SEC14L1: variants seen among roughly 807,000 people sequenced by gnomAD.
SEC14L1 encodes SEC14 like lipid binding 1.
A neutral mutation model predicts 85.3 loss-of-function variants in SEC14L1; 48 were observed. That is an observed-to-expected ratio of 0.56 (90% CI 0.45 to 0.72). The LOEUF (loss-of-function observed/expected upper bound fraction) is 0.72, where lower values mean the gene tolerates loss of function less well. Ranked by LOEUF, SEC14L1 falls within the 30% of genes least tolerant of loss-of-function variation. SEC14L1 has a pLI of 0.00. For missense variants in SEC14L1, 682 were observed against 921.4 expected, an observed-to-expected ratio of 0.74 and a Z score of 3.36; for synonymous variants, 391 against 355.5, an observed-to-expected ratio of 1.10 and a Z score of -1.12.
At chr17:77,132,227 T>G (rs1037001546) in intron 3 of SEC14L1, among the ~76,000 whole-genome samples, 1 of 102,358 alleles carries the variant, frequency 9.8e-6, no homozygotes, top group African/African-American at 6.4e-5. Flanking sequence ...CTGCATGGAA[T>G]TTTTTTTTTT....
At chr17:77,102,433 G>GA (rs539491189) in intron 3 of SEC14L1, among the ~76,000 whole-genome samples, 126 of 152,308 alleles carry the variant, frequency 8.3e-4, no homozygotes, top group Non-Finnish European at 1.3e-3. Flanking sequence ...TTTTGAAAAG[G>GA]ACAGAGAAAG....
chr17:77,104,920 T>C (rs1971874262), intron 3 of SEC14L1, among the ~76,000 whole-genome samples: 1 of 151,976 alleles, frequency 6.6e-6, no homozygotes, highest in African/African-American at 2.4e-5. Flanking sequence ...AGCTTGGTTT[T>C]ATACATCTTA....
intron 3 of SEC14L1, among the ~76,000 whole-genome samples, chr17:77,151,335 T>C (rs1973546422): frequency 6.6e-6 from 1 of 152,076 alleles, no homozygotes; most frequent in African/African-American, 2.4e-5. Context: ...GTGTAATTAG[T>C]CAGATTTAGT....
At position 77,214,263 on chromosome 17, in the gene SEC14L1, C is replaced by T; in HGVS notation, c.*240C>T. On this transcript the variant is annotated 3_prime_UTR_variant, in exon 17 of 17. Coordinates refer to ENST00000436233, the MANE Select transcript of SEC14L1 (RefSeq NM_001143998.2). ...TGTATACGTTGTGCACAAAATCCAACCAGAGCGCAAGGGCTCTCTTGAAAG... is the reference window on the plus strand; with the variant it reads ...TGTATACGTTGTGCACAAAATCCAATCAGAGCGCAAGGGCTCTCTTGAAAG... The T allele has an allele frequency of 7.6e-7, 1 of 1,323,738 alleles. No homozygotes were observed. The highest frequency in any genetic ancestry group is 3.7e-5 in the Admixed American group (1 of 27,118). The allele number at this position is 1,323,738 out of a possible 1,614,324, so 82.0% of individuals were successfully genotyped here. A position where few individuals can be genotyped will look rare whatever the true frequency, so the allele number is the denominator to read the frequency against.
chr17:77,173,875 C>G (rs1395632173), intron 3 of SEC14L1, among the ~76,000 whole-genome samples: 1 of 151,562 alleles, frequency 6.6e-6, no homozygotes, highest in Non-Finnish European at 1.5e-5. Flanking sequence ...ACCTCTCTTA[C>G]TAGAGATTTC....
chr17:77,155,302 C>A (rs1022937074), intron 3 of SEC14L1, among the ~76,000 whole-genome samples: 1 of 152,050 alleles, frequency 6.6e-6, no homozygotes, highest in African/African-American at 2.4e-5. Context: ...AAACACACAC[C>A]CCAACAGAAA....
At chr17:77,169,893 A>G (rs1324415981) in intron 3 of SEC14L1, among the ~76,000 whole-genome samples, 2 of 152,178 alleles carry the variant, frequency 1.3e-5, no homozygotes, top group African/African-American at 4.8e-5. Flanking sequence ...GGTAAAGTGA[A>G]TGTAAGGCTT....
chr17:77,171,401 A>T (rs1456818529), intron 3 of SEC14L1, among the ~76,000 whole-genome samples: 1 of 152,192 alleles, frequency 6.6e-6, no homozygotes, highest in Non-Finnish European at 1.5e-5. Context: ...GGAGACAAGG[A>T]GTTAAATGGA....
At position 77,214,484 on chromosome 17, in the gene SEC14L1, C is replaced by CG; in HGVS notation, c.*463dup. 1.0e-6 allele frequency: 1 copy of CG among 1,000,778 alleles called. No homozygotes were observed. Among genetic ancestry groups the CG allele is most frequent in the Non-Finnish European group, 1.2e-6 (1 of 838,460 alleles). The allele number at this position is 1,000,778 out of a possible 1,614,324, so 62.0% of individuals were successfully genotyped here. ...GCCTCATGGCCCGCACGCCGCCTCA[C>CG]GGCCCCCATGCTTCCCGCCAGTCAA... On this transcript the variant is annotated 3_prime_UTR_variant, in exon 17 of 17. Transcript: ENST00000436233.
At chr17:77,092,675 G>A (rs898039257) in intron 2 of SEC14L1, among the ~76,000 whole-genome samples, 2 of 152,144 alleles carry the variant, frequency 1.3e-5, no homozygotes, top group African/African-American at 4.8e-5. Flanking sequence ...AGAGCCGGGC[G>A]TGGTGGCTCA....
At chr17:77,204,752 G>A (rs1311296949) in intron 10 of SEC14L1, among the ~76,000 whole-genome samples, 9 of 151,968 alleles carry the variant, frequency 5.9e-5, no homozygotes, top group Non-Finnish European at 4.4e-5. Context: ...GTGTTAGTCT[G>A]CCCCCACCGC....
intron 3 of SEC14L1, among the ~76,000 whole-genome samples, chr17:77,178,680 A>G (rs1484197809): frequency 6.6e-6 from 1 of 152,196 alleles, no homozygotes; most frequent in Non-Finnish European, 1.5e-5. Context: ...CAGCTTACAG[A>G]GCGTGCAGCC....
At chr17:77,120,773 G>C (rs184538805) in intron 3 of SEC14L1, among the ~76,000 whole-genome samples, 2 of 152,282 alleles carry the variant, frequency 1.3e-5, no homozygotes, top group African/African-American at 4.8e-5. Context: ...CACTGCGACC[G>C]GCCCCTTCTC....
At chr17:77,163,931 G>A (rs1974176763) in intron 3 of SEC14L1, among the ~76,000 whole-genome samples, 1 of 152,238 alleles carries the variant, frequency 6.6e-6, no homozygotes, top group South Asian at 2.1e-4. Flanking sequence ...TTGGCCTGGA[G>A]AGGAGCCTGG....
intron 1 of SEC14L1, chr17:77,089,066 C>T: frequency 5.0e-6 from 1 of 198,414 alleles, no homozygotes; most frequent in Non-Finnish European, 1.1e-5. Context: ...GGGTCCCTGG[C>T]TGGGTTAGCC....
chr17:77,096,365 T>C (rs140764866), intron 3 of SEC14L1, among the ~76,000 whole-genome samples: 4,671 of 142,172 alleles, frequency 0.033, 3 homozygotes, highest in East Asian at 0.15. Flanking sequence ...GAGACCAGCC[T>C]GGCCAACATG....
intron 3 of SEC14L1, among the ~76,000 whole-genome samples, chr17:77,100,423 T>C (rs1403267353): frequency 9.9e-5 from 4 of 40,570 alleles, no homozygotes; most frequent in South Asian, 7.9e-4. Flanking sequence ...TTTCTCTCTC[T>C]CTCTCTTTTT....
chr17:77,204,784 A>G (rs915692482), intron 10 of SEC14L1, among the ~76,000 whole-genome samples: 3 of 151,944 alleles, frequency 2.0e-5, no homozygotes, highest in Admixed American at 6.6e-5. Context: ...ATATATCCCC[A>G]CATGCACACG....
intron 3 of SEC14L1, among the ~76,000 whole-genome samples, chr17:77,097,963 G>A (rs1036646607): frequency 2.6e-5 from 4 of 152,110 alleles, no homozygotes; most frequent in African/African-American, 4.8e-5. Flanking sequence ...TTCAGTGAGA[G>A]TAAGTCACAT....
Sources: gnomAD v4.1 joint callset for allele counts (sites outside exome capture counted in the v4.1 genomes callset) on GRCh38, gnomAD v4.1.1 for gene constraint, MANE v1.5 for transcripts, NCBI Gene and HGNC (gene_info 2026-07-23, HGNC 2026-07-21) for gene names.